BRIP1: variants seen among roughly 807,000 people sequenced by gnomAD.
BRIP1 encodes the protein Fanconi anemia group J protein.
Under a neutral mutation model 119.7 loss-of-function variants are expected in BRIP1, and 88 were observed. The observed-to-expected ratio is 0.74, with a 90% CI of 0.62 to 0.88. The LOEUF (loss-of-function observed/expected upper bound fraction) is 0.88. Among genes scored for constraint, BRIP1 ranks in the 40% least tolerant of loss-of-function variants. The pLI, the probability that BRIP1 is intolerant of heterozygous loss-of-function variation, is 0.00. For synonymous variants in BRIP1, 443 were observed against 496.5 expected, an observed-to-expected ratio of 0.89 and a Z score of 1.43; for missense variants, 1,259 against 1,455.4, an observed-to-expected ratio of 0.87 and a Z score of 2.20.
rs2078442214 is a variant in BRIP1 at position 61,828,481 on chromosome 17, AT to A, written c.627+18619del. On this transcript the variant is annotated intron_variant, in intron 6 of 19. Coordinates refer to ENST00000259008, the MANE Select transcript of BRIP1 (RefSeq NM_032043.3). This position sits in a 1 kb window ranked among gnomAD's most constrained non-coding sequence, Gnocchi z 4.1. The stretch of plus-strand genomic sequence containing the variant: ...GATGAAAAGGTTCTGGCACTAGATA[AT>A]AGTATATAAATATGCATAATACCAC... Among the ~76,000 whole-genome samples, 1 of 152,198 alleles carries A rather than the reference AT, an allele frequency of 6.6e-6. No homozygotes were observed. The highest frequency in any genetic ancestry group is 1.5e-5 in the Non-Finnish European group (1 of 68,036).
intron 6 of BRIP1, among the ~76,000 whole-genome samples, chr17:61,830,775 T>G (rs1282978814): frequency 6.6e-6 from 1 of 152,252 alleles, no homozygotes. Context: ...CAACTCATTT[T>G]ATAAAGCCAA....
rs2077180834 is a variant in BRIP1 at position 61,754,954 on chromosome 17, A to G, written c.2098-10363T>C. ...CCACACTGGGGGTTAGGGCTTCAAC[A>G]TAAAAAATTTGGTGGTATACAAACA... On this transcript the variant is annotated intron_variant, in intron 14 of 19. Coordinates refer to ENST00000259008, the MANE Select transcript of BRIP1 (RefSeq NM_032043.3). The surrounding 1 kb of genome is among the most constrained non-coding windows in gnomAD (Gnocchi z 4.1). 6.6e-6 allele frequency among the ~76,000 whole-genome samples: 1 copy of G among 152,194 alleles called. No individual in the cohort carries two copies. The highest frequency in any genetic ancestry group is 1.5e-5 in the Non-Finnish European group (1 of 68,034).
rs2144940971 is a variant in BRIP1 at position 61,769,089 on chromosome 17, A to T, written c.2097+7312T>A. 6.6e-6 allele frequency among the ~76,000 whole-genome samples: 1 copy of T among 152,284 alleles called. No individual in the cohort carries two copies. Among genetic ancestry groups the T allele is most frequent in the Non-Finnish European group, 1.5e-5 (1 of 68,024 alleles). ...GGGTATCTCACTCAGTCCTACGACT[A>T]CAAGGGATAAATTCTGCAAACAAAC... is the stretch of plus-strand genomic sequence containing the variant. On this transcript the variant is annotated intron_variant, in intron 14 of 19. Coordinates refer to ENST00000259008, the MANE Select transcript of BRIP1 (RefSeq NM_032043.3). This position sits in a 1 kb window ranked among gnomAD's most constrained non-coding sequence, Gnocchi z 4.9.
At chr17:61,821,600 G>A (rs1014641107) in intron 6 of BRIP1, among the ~76,000 whole-genome samples, 4 of 151,570 alleles carry the variant, frequency 2.6e-5, no homozygotes, top group Non-Finnish European at 5.9e-5. Flanking sequence ...TATAATCATA[G>A]TTCACTGCAA....
At position 61,706,881 on chromosome 17, in the gene BRIP1, G is replaced by A. The variant is rs1266254162; in HGVS notation, c.2492+9070C>T. ...AGCTGTAAAAATTCTTCCAAGTATG[G>A]TCAAACCTTCTATCCTCTGAACTCA... On this transcript the variant is annotated intron_variant, in intron 17 of 19. Coordinates refer to ENST00000259008, the MANE Select transcript of BRIP1 (RefSeq NM_032043.3). This position sits in a 1 kb window ranked among gnomAD's most constrained non-coding sequence, Gnocchi z 5.7. Among the ~76,000 whole-genome samples the A allele has an allele frequency of 6.6e-6, 1 of 152,068 alleles. No individual in the cohort carries two copies. Among genetic ancestry groups the A allele is most frequent in the Non-Finnish European group, 1.5e-5 (1 of 68,012 alleles).
chr17:61,748,296 G>A lies in BRIP1; in HGVS notation c.2098-3705C>T, dbSNP rs144293953. 4.4e-3 allele frequency among the ~76,000 whole-genome samples: 667 copies of A among 152,166 alleles called. 1 individual carries two copies. The highest frequency in any genetic ancestry group is 7.0e-3 in the Non-Finnish European group (473 of 67,982). ...ATCTGAGGTGGAACAGTTTCATCCC[G>A]AAACCATCACCCCCACCCCCAACCC... is the stretch of plus-strand genomic sequence containing the variant. On this transcript the variant is annotated intron_variant, in intron 14 of 19. Transcript: ENST00000259008. This position sits in a 1 kb window ranked among gnomAD's most constrained non-coding sequence, Gnocchi z 4.7.
chr17:61,749,300 G>A (rs1166936731), intron 14 of BRIP1, among the ~76,000 whole-genome samples: 2 of 151,138 alleles, frequency 1.3e-5, no homozygotes, highest in Non-Finnish European at 2.9e-5. Context: ...TTTCTGCAAA[G>A]TAAAGGGAAA....
intron 5 of BRIP1, 76 bp from the exon 6 acceptor site, chr17:61,847,296 C>T: frequency 6.7e-7 from 1 of 1,502,424 alleles, no homozygotes; most frequent in Non-Finnish European, 9.2e-7. Flanking sequence ...AAGGCCAAAA[C>T]AGCTCTATGT....
At chr17:61,850,565 C>G (rs571874771) in intron 4 of BRIP1, among the ~76,000 whole-genome samples, 1 of 152,148 alleles carries the variant, frequency 6.6e-6, no homozygotes, top group Non-Finnish European at 1.5e-5. Flanking sequence ...CAGTGGCTCA[C>G]GCCTTTAATC....
chr17:61,836,697 A>T (rs897837013), intron 6 of BRIP1, among the ~76,000 whole-genome samples: 10 of 152,216 alleles, frequency 6.6e-5, no homozygotes, highest in African/African-American at 2.4e-4. Flanking sequence ...CAAAACAAAA[A>T]ACAGTTAAAC....
intron 16 of BRIP1, among the ~76,000 whole-genome samples, chr17:61,716,415 T>C (rs1173602353): frequency 6.6e-6 from 1 of 152,088 alleles, no homozygotes; most frequent in East Asian, 1.9e-4. Context: ...AGTTCCCTCT[T>C]ATCCCTTTAT....
rs1603326098 is a variant in BRIP1, at chr17:61,774,392, A to G, written c.2097+2009T>C. On this transcript the variant is annotated intron_variant, in intron 14 of 19. Transcript: ENST00000259008. This position sits in a 1 kb window ranked among gnomAD's most constrained non-coding sequence, Gnocchi z 5.8. ...TAGGTGGGAATTGAACAATGAGAAC[A>G]TGTGGACGCAGGGTAGGGAACATCA... Among the ~76,000 whole-genome samples, 1 of 152,304 alleles carries G rather than the reference A, an allele frequency of 6.6e-6. No individual in the cohort carries two copies. The highest frequency in any genetic ancestry group is 1.9e-4 in the East Asian group (1 of 5,180).
chr17:61,785,920 AGCT>A (rs2077697702), intron 10 of BRIP1, among the ~76,000 whole-genome samples: 1 of 145,130 alleles, frequency 6.9e-6, no homozygotes, highest in African/African-American at 2.4e-5. Context: ...ACACATTGGC[AGCT>A]GGGTTGGGGG....
At position 61,755,924 on chromosome 17, in the gene BRIP1, A is replaced by G. The variant is rs1170909442; in HGVS notation, c.2098-11333T>C. ...TTAGTTCGGGCAAAGAGCTATGAGG[A>G]ACACTTCATAAAAGGGAGAATTTGG... is the stretch of plus-strand genomic sequence containing the variant. On this transcript the variant is annotated intron_variant, in intron 14 of 19. Transcript: ENST00000259008. The surrounding 1 kb of genome is among the most constrained non-coding windows in gnomAD (Gnocchi z 4.5). 6.6e-6 allele frequency among the ~76,000 whole-genome samples: 1 copy of G among 152,200 alleles called. No individual in the cohort carries two copies. Among genetic ancestry groups the G allele is most frequent in the East Asian group, 1.9e-4 (1 of 5,200 alleles).
Position 61,831,005 on chromosome 17 carries a change from G to A in BRIP1, c.627+16096C>T, listed in dbSNP as rs1244910365. Reference sequence around the variant, plus strand: ...TCAATGTAATTTACCATATCAACAGGATATAGGAGAAAAAACATATAATCC... The same window carrying A: ...TCAATGTAATTTACCATATCAACAGAATATAGGAGAAAAAACATATAATCC... On this transcript the variant is annotated intron_variant, in intron 6 of 19. Transcript: ENST00000259008. The surrounding 1 kb of genome is among the most constrained non-coding windows in gnomAD (Gnocchi z 4.1). 6.6e-6 allele frequency among the ~76,000 whole-genome samples: 1 copy of A among 152,016 alleles called. No homozygotes were observed. The highest frequency in any genetic ancestry group is 2.4e-5 in the African/African-American group (1 of 41,392).
intron 14 of BRIP1, among the ~76,000 whole-genome samples, chr17:61,773,231 G>A (rs911157954): frequency 1.3e-5 from 2 of 151,858 alleles, no homozygotes; most frequent in Non-Finnish European, 2.9e-5. Flanking sequence ...ACAAAAACCT[G>A]CAGAACAACT....
Position 61,740,937 on chromosome 17 carries a change from T to C in BRIP1, c.2379+2076A>G, listed in dbSNP as rs546746458. On this transcript the variant is annotated intron_variant, in intron 16 of 19. Transcript: ENST00000259008. The surrounding 1 kb of genome is among the most constrained non-coding windows in gnomAD (Gnocchi z 5.4). ...GACGACCATGAAGTTTGCTCTATCA[T>C]GTGACTCTTCCTTTCACAATAGATT... is the stretch of plus-strand genomic sequence containing the variant. Among the ~76,000 whole-genome samples the C allele has an allele frequency of 1.3e-5, 2 of 152,296 alleles. No individual in the cohort carries two copies. The highest frequency in any genetic ancestry group is 3.9e-4 in the East Asian group (2 of 5,182).
At chr17:61,747,383 C>G (rs2077071906) in intron 14 of BRIP1, among the ~76,000 whole-genome samples, 1 of 148,356 alleles carries the variant, frequency 6.7e-6, no homozygotes, top group Admixed American at 6.7e-5. Context: ...TTGAAAAGAT[C>G]AACAGAATTG....
intron 16 of BRIP1, among the ~76,000 whole-genome samples, chr17:61,737,501 C>T (rs181603122): frequency 3.3e-5 from 5 of 152,216 alleles, no homozygotes; most frequent in Admixed American, 6.5e-5. Flanking sequence ...AAATATGACA[C>T]CAAAGCACAG....
Sources: gnomAD v4.1 joint callset for allele counts (sites outside exome capture counted in the v4.1 genomes callset) on GRCh38, gnomAD v4.1.1 for gene constraint, Gnocchi (gnomAD v3.1) non-coding constraint, MANE v1.5 for transcripts, NCBI Gene and HGNC (gene_info 2026-07-23, HGNC 2026-07-21) for gene names.